Variants in SLC20A2 observed in about 807,000 individuals in gnomAD.
SLC20A2 encodes the protein sodium-dependent phosphate transporter 2.
A neutral mutation model predicts 61.0 loss-of-function variants in SLC20A2; 30 were observed. That is an observed-to-expected ratio of 0.49 (90% confidence interval 0.37 to 0.67). SLC20A2 has a LOEUF of 0.67. Ranked by LOEUF, SLC20A2 falls within the 30% of genes least tolerant of loss-of-function variation. The probability of loss-of-function intolerance (pLI) is 0.00; values close to 1 mark genes in which losing one functional copy is unlikely to be tolerated. For synonymous variants in SLC20A2, 351 were observed against 353.3 expected, an observed-to-expected ratio of 0.99 and a Z score of 0.07; for missense variants, 626 against 866.4, an observed-to-expected ratio of 0.72 and a Z score of 3.48.
intron 1 of SLC20A2, among the ~76,000 whole-genome samples, chr8:42,508,855 G>A (rs1299784402): frequency 6.6e-6 from 1 of 152,186 alleles, no homozygotes; most frequent in Admixed American, 6.5e-5. Flanking sequence ...TCAAGTAATA[G>A]CTGCTTTGAT....
chr8:42,535,911 A>G (rs753708109), intron 1 of SLC20A2, among the ~76,000 whole-genome samples: 2 of 152,232 alleles, frequency 1.3e-5, no homozygotes, highest in African/African-American at 2.4e-5. Context: ...GATCACGTCC[A>G]GAATCCAGCT....
intron 1 of SLC20A2, among the ~76,000 whole-genome samples, chr8:42,499,311 A>G (rs998033419): frequency 6.6e-6 from 1 of 152,198 alleles, no homozygotes; most frequent in Admixed American, 6.5e-5. Flanking sequence ...CACCAGGCAC[A>G]CGGGGTAGAA....
intron 10 of SLC20A2, chr8:42,419,686 C>T (rs1445294278): frequency 2.1e-6 from 2 of 970,002 alleles, no homozygotes; most frequent in African/African-American, 3.5e-5. Context: ...TACATAATGA[C>T]AAATAGTTTT....
chr8:42,527,059 G>A (rs1446612259), intron 1 of SLC20A2, among the ~76,000 whole-genome samples: 8 of 149,738 alleles, frequency 5.3e-5, no homozygotes, highest in East Asian at 2.0e-4. Flanking sequence ...AGCTGAGTTC[G>A]TACCACTGCA....
chr8:42,443,303 AT>A (rs1804944097), intron 6 of SLC20A2, among the ~76,000 whole-genome samples: 2 of 127,692 alleles, frequency 1.6e-5, no homozygotes, highest in Admixed American at 7.8e-5. Flanking sequence ...ATATATATAT[AT>A]ATATAATAAA....
intron 9 of SLC20A2, 79 bp from the exon 10 acceptor site, chr8:42,428,921 C>G (rs1341738619): frequency 1.7e-6 from 2 of 1,170,492 alleles, no homozygotes; most frequent in Middle Eastern, 2.0e-4. Flanking sequence ...TAGAGGCTCA[C>G]CAGAACATTC....
rs891613391 is a variant in SLC20A2 at position 42,458,948 on chromosome 8, C to CCG, written c.613+947_613+948insCG. Among the ~76,000 whole-genome samples the CCG allele has an allele frequency of 1.1e-4, 16 of 142,154 alleles. 1 individual carries two copies. Among genetic ancestry groups the CCG allele is most frequent in the Middle Eastern group, 3.8e-3 (1 of 260 alleles). The allele number at this position is 142,154 out of a possible 152,430, so 93.3% of individuals were successfully genotyped here. ...ATAAAAAATAATTTTTAACCCCCCC[C>CCG]CCCACAAAAAACCTCTGAACCTTTA... On this transcript the variant is annotated intron_variant, in intron 5 of 10. Transcript: ENST00000520262.
At position 42,437,100 on chromosome 8, in the gene SLC20A2, G is replaced by A; in HGVS notation, c.1412C>T (p.Ala471Val). 1 of 1,614,004 alleles carries A rather than the reference G, an allele frequency of 6.2e-7. No homozygotes were observed. The highest frequency in any genetic ancestry group is 8.5e-7 in the Non-Finnish European group (1 of 1,179,984). ...ADPDQPREDPAEEEKEEKDAP... is the reference protein window; with the variant it reads ...ADPDQPREDPVEEEKEEKDAP... ...GTCCTTCTCCTCCTTCTCCTCCTCT[G>A]CAGGGTCCTCTCGCGGCTGGTCAGG... The change falls in exon 8 of 11, where the codon GCA becomes GTA. Residue 471 changes from alanine to valine, a missense_variant. Around this residue, in one of 3 missense-constraint regions of SLC20A2, gnomAD observed 361 missense variants for 422.3 expected, o/e 0.85. Coordinates refer to ENST00000520262, the MANE Select transcript of SLC20A2 (RefSeq NM_001257180.2). This position sits in a 1 kb window ranked among gnomAD's most constrained non-coding sequence, Gnocchi z 6.4.
At chr8:42,447,347 A>G (rs1206814109) in intron 5 of SLC20A2, among the ~76,000 whole-genome samples, 3 of 132,090 alleles carry the variant, frequency 2.3e-5, no homozygotes, top group Non-Finnish European at 3.2e-5. Context: ...TCCTGCCTCA[A>G]AAAAAAAAAA....
chr8:42,505,772 T>C (rs567243675), upstream of SLC20A2, among the ~76,000 whole-genome samples: 3 of 151,888 alleles, frequency 2.0e-5, no homozygotes, highest in Admixed American at 2.0e-4. Flanking sequence ...ATACCTGTAG[T>C]CCCAGCTACT....
At chr8:42,486,140 CTGTGTGTGTGTG>C (rs59925363) in intron 1 of SLC20A2, among the ~76,000 whole-genome samples, 4 of 148,918 alleles carry the variant, frequency 2.7e-5, no homozygotes, top group African/African-American at 9.8e-5. Flanking sequence ...AGCTCTCTCA[CTGTGTGTGTGTG>C]TGTGTGTGTG....
chr8:42,500,738 G>A lies in SLC20A2; in HGVS notation c.-265+293C>T, dbSNP rs191635931. Among the ~76,000 whole-genome samples the A allele has an allele frequency of 8.8e-3, 1,334 of 152,260 alleles. 6 individuals carry two copies. The highest frequency in any genetic ancestry group is 0.014 in the Admixed American group (210 of 15,284). ...ACAATACAATGTTTCTGTATTTACA[G>A]AAACCATATCCATTAATCAAATATT... On this transcript the variant is annotated intron_variant, in intron 1 of 10. Coordinates refer to ENST00000520262, the MANE Select transcript of SLC20A2 (RefSeq NM_001257180.2).
intron 1 of SLC20A2, among the ~76,000 whole-genome samples, chr8:42,490,777 C>T (rs960985677): frequency 2.0e-5 from 3 of 152,172 alleles, no homozygotes; most frequent in African/African-American, 7.2e-5. Context: ...CGCTGCCTTC[C>T]AAGTCCCTAG....
chr8:42,530,394 C>T (rs1442420103), intron 1 of SLC20A2, among the ~76,000 whole-genome samples: 1 of 152,084 alleles, frequency 6.6e-6, no homozygotes, highest in Non-Finnish European at 1.5e-5. Flanking sequence ...ATATATAACC[C>T]AGTGTTGGGA....
intron 4 of SLC20A2, among the ~76,000 whole-genome samples, chr8:42,460,504 A>G (rs896627369): frequency 1.3e-5 from 2 of 152,180 alleles, no homozygotes; most frequent in African/African-American, 2.4e-5. Context: ...CTATTACACA[A>G]TGCATCTTAG....
chr8:42,531,004 G>A (rs1812284155), intron 1 of SLC20A2, among the ~76,000 whole-genome samples: 1 of 152,172 alleles, frequency 6.6e-6, no homozygotes, highest in Admixed American at 6.5e-5. Context: ...ACAGGGGTGA[G>A]TCACTGAGCC....
chr8:42,512,635 GCCA>G (rs1166186152), intron 1 of SLC20A2, among the ~76,000 whole-genome samples: 3 of 152,174 alleles, frequency 2.0e-5, no homozygotes, highest in Non-Finnish European at 4.4e-5. Flanking sequence ...ACAGGCCTGA[GCCA>G]CCACGTCCAG....
At chr8:42,476,528 G>A (rs990117165) in intron 1 of SLC20A2, among the ~76,000 whole-genome samples, 1 of 152,164 alleles carries the variant, frequency 6.6e-6, no homozygotes, top group East Asian at 1.9e-4. Flanking sequence ...CGCCCTGGGT[G>A]GGAAGAGCGG....
intron 1 of SLC20A2, among the ~76,000 whole-genome samples, chr8:42,523,374 C>T (rs1302962266): frequency 6.6e-6 from 1 of 151,980 alleles, no homozygotes; most frequent in African/African-American, 2.4e-5. Context: ...AAATAAATTG[C>T]ATATTTTAAC....
Sources: allele counts gnomAD v4.1 joint callset (sites outside exome capture counted in the v4.1 genomes callset), GRCh38; gene constraint gnomAD v4.1.1; regional missense constraint gnomAD v4.1.1; non-coding constraint Gnocchi (gnomAD v3.1); transcripts MANE v1.5; gene names NCBI Gene and HGNC (gene_info 2026-07-23, HGNC 2026-07-21).